Variants in RDX observed in about 807,000 individuals in gnomAD.
RDX encodes the protein deafness, autosomal recessive 24.
In RDX, 32 loss-of-function variants were observed where a neutral mutation model predicts 83.7. The observed-to-expected ratio is 0.38, with a 90% CI of 0.29 to 0.51. The LOEUF (loss-of-function observed/expected upper bound fraction) is 0.51. Ranked by LOEUF, RDX falls within the 20% of genes least tolerant of loss-of-function variation. The pLI, the probability that RDX is intolerant of heterozygous loss-of-function variation, is 0.87. For synonymous variants in RDX, 229 were observed against 222.7 expected (o/e 1.03, Z -0.25); for missense variants, 600 against 689.9 (o/e 0.87, Z 1.46).
At chr11:110,178,114 C>T (rs549525884) in intron 15 of RDX, among the ~76,000 whole-genome samples, 2 of 152,250 alleles carry the variant, frequency 1.3e-5, no homozygotes, top group African/African-American at 2.4e-5. Flanking sequence ...TTCCTCCAGG[C>T]TGTGTACTGC....
chr11:110,206,303 T>C (rs112140168), intron 14 of RDX, among the ~76,000 whole-genome samples: 1,906 of 149,204 alleles, frequency 0.013, 37 homozygotes, highest in African/African-American at 0.044. Flanking sequence ...ATGTCCACCA[T>C]TGGGGGAACT....
rs920215442 is a variant in RDX, at chr11:110,188,901, T to C, written c.*31+10680A>G. The stretch of plus-strand genomic sequence containing the variant: ...AATACCTATCACCACAAAACACTCT[T>C]ACATACATGGCTCACAGACCCTATA... On this transcript the variant is annotated intron_variant, in intron 15 of 15. Transcript: ENST00000528498. Among the ~76,000 whole-genome samples, 4 of 152,198 alleles carry C rather than the reference T, an allele frequency of 2.6e-5. 1 individual carries two copies. Among genetic ancestry groups the C allele is most frequent in the South Asian group, 4.2e-4 (2 of 4,818 alleles).
At chr11:110,250,037 T>C (rs1332888097) in intron 9 of RDX, among the ~76,000 whole-genome samples, 1 of 152,160 alleles carries the variant, frequency 6.6e-6, no homozygotes, top group Non-Finnish European at 1.5e-5. Flanking sequence ...TGCAGGACAT[T>C]CACCTCTTTC....
At chr11:110,291,926 G>A (rs1861259467) in intron 1 of RDX, among the ~76,000 whole-genome samples, 1 of 152,108 alleles carries the variant, frequency 6.6e-6, no homozygotes, top group Non-Finnish European at 1.5e-5. Flanking sequence ...CAGGAAGTCT[G>A]AGGCAGGATG....
chr11:110,242,176 G>C (rs1051345893), intron 10 of RDX, among the ~76,000 whole-genome samples: 1 of 152,068 alleles, frequency 6.6e-6, no homozygotes, highest in Non-Finnish European at 1.5e-5. Context: ...AAACTGGCCG[G>C]GCACGGTGGC....
intron 10 of RDX, among the ~76,000 whole-genome samples, chr11:110,243,365 TG>T (rs1171503993): frequency 6.6e-6 from 1 of 151,896 alleles, no homozygotes; most frequent in Non-Finnish European, 1.5e-5. Flanking sequence ...TAAAAACTAG[TG>T]GAAGAAGTGA....
At chr11:110,296,259 G>T (rs989223964) in intron 1 of RDX, among the ~76,000 whole-genome samples, 2 of 152,126 alleles carry the variant, frequency 1.3e-5, no homozygotes, top group Middle Eastern at 3.4e-3. Flanking sequence ...AGGGCCTCGC[G>T]GCCCCTACCA....
intron 15 of RDX, among the ~76,000 whole-genome samples, chr11:110,193,515 T>G (rs1565284164): frequency 6.7e-6 from 1 of 149,540 alleles, no homozygotes; most frequent in East Asian, 2.0e-4. Context: ...ACCCTACATC[T>G]AAAATAAATC....
At chr11:110,275,596 T>C (rs1860481751) in intron 2 of RDX, among the ~76,000 whole-genome samples, 1 of 152,210 alleles carries the variant, frequency 6.6e-6, no homozygotes, top group Non-Finnish European at 1.5e-5. Flanking sequence ...TTTCTTACTT[T>C]AACGTAGGAA....
At chr11:110,223,684 T>A (rs985595057) in intron 14 of RDX, among the ~76,000 whole-genome samples, 5 of 151,640 alleles carry the variant, frequency 3.3e-5, no homozygotes, top group Admixed American at 1.3e-4. Flanking sequence ...CAATCAAAAG[T>A]AAGAAAGAAA....
intron 8 of RDX, among the ~76,000 whole-genome samples, chr11:110,254,714 G>C (rs1246429742): frequency 6.6e-6 from 1 of 152,062 alleles, no homozygotes; most frequent in Non-Finnish European, 1.5e-5. Flanking sequence ...CATCTCAGGT[G>C]ATCTGCTCCT....
rs34548283 is a variant in RDX at position 110,241,056 on chromosome 11, CAAAA to C, written c.1091-3408_1091-3405del. Among the ~76,000 whole-genome samples the C allele has an allele frequency of 9.3e-5, 4 of 42,996 alleles. No homozygotes were observed. The East Asian group carries it at 3.1e-3, about 33-fold the overall frequency. The allele number at this position is 42,996 out of a possible 152,430, so 28.2% of individuals were successfully genotyped here. On this transcript the variant is annotated intron_variant, in intron 10 of 13. Coordinates refer to ENST00000645495, the MANE Select transcript of RDX (RefSeq NM_002906.4). Reference sequence around the variant, plus strand: ...GGGCGACAGAGTGAGACTCTGTCTCCAAAAAAAAAAAAAAAAAAAGGGGCGGGGG... The same window carrying C: ...GGGCGACAGAGTGAGACTCTGTCTCCAAAAAAAAAAAAAAAGGGGCGGGGG...
At chr11:110,211,211 T>C (rs1020454098) in intron 14 of RDX, among the ~76,000 whole-genome samples, 1 of 152,130 alleles carries the variant, frequency 6.6e-6, no homozygotes, top group Non-Finnish European at 1.5e-5. Flanking sequence ...AAACAGACTT[T>C]AAACCAACAA....
chr11:110,175,734 T>A (rs564053902), intron 15 of RDX, among the ~76,000 whole-genome samples: 4 of 152,362 alleles, frequency 2.6e-5, no homozygotes, highest in South Asian at 4.1e-4. Context: ...TTCTTTCAAA[T>A]ATGCATGTGA....
intron 3 of RDX, among the ~76,000 whole-genome samples, chr11:110,266,476 G>T (rs1269357388): frequency 6.6e-6 from 1 of 152,086 alleles, no homozygotes. Context: ...TCCAGGGGAG[G>T]TAAAAGTTCA....
intron 15 of RDX, chr11:110,179,964 C>T (rs1862853292): frequency 2.7e-6 from 1 of 370,388 alleles, no homozygotes. Context: ...TGTAGTGGTG[C>T]AATCTCAGCT....
rs78686454 is a variant in RDX at position 110,187,004 on chromosome 11, T to C, written c.*32-11770A>G. On this transcript the variant is annotated intron_variant, in intron 15 of 15. Coordinates refer to the RDX transcript ENST00000528498. ...CCAGCAGTAGGCACTGGAACTGTGCTCTCCTCTGTCACAGGCCTGGAGTGG... is the reference window on the plus strand; with the variant it reads ...CCAGCAGTAGGCACTGGAACTGTGCCCTCCTCTGTCACAGGCCTGGAGTGG... Among the ~76,000 whole-genome samples the C allele has an allele frequency of 9.7e-3, 1,472 of 152,254 alleles. 18 individuals carry two copies. Among genetic ancestry groups the C allele is most frequent in the African/African-American group, 0.032 (1,350 of 41,544 alleles).
chr11:110,295,799 T>C (rs866530694), intron 1 of RDX, among the ~76,000 whole-genome samples: 1 of 152,316 alleles, frequency 6.6e-6, no homozygotes, highest in Middle Eastern at 3.4e-3. Flanking sequence ...CCCGAGAAAG[T>C]TACAGGGCTC....
intron 9 of RDX, among the ~76,000 whole-genome samples, chr11:110,252,634 A>T (rs1324055327): frequency 6.6e-6 from 1 of 152,242 alleles, no homozygotes; most frequent in East Asian, 1.9e-4. Context: ...GGCTATGTGT[A>T]TAAGAATGTA....
Sources: allele counts gnomAD v4.1 joint callset (sites outside exome capture counted in the v4.1 genomes callset), GRCh38; gene constraint gnomAD v4.1.1; transcripts MANE v1.5; gene names NCBI Gene and HGNC (gene_info 2026-07-23, HGNC 2026-07-21).